Variants in DOCK3 observed in about 807,000 individuals in gnomAD.
DOCK3 encodes dedicator of cytokinesis 3, also known as dedicator of cytokinesis protein 3.
In DOCK3, 60 loss-of-function variants were observed where a neutral mutation model predicts 265.6. That is an observed-to-expected ratio of 0.23 (90% confidence interval 0.18 to 0.28). DOCK3 has a LOEUF of 0.28. DOCK3 is among the 10% of genes least tolerant of loss of function. The pLI, the probability that DOCK3 is intolerant of heterozygous loss-of-function variation, is 1.00. For missense variants in DOCK3, 1,981 were observed against 2,594.3 expected (o/e 0.76, Z 5.14); for synonymous variants, 881 against 938.0 (o/e 0.94, Z 1.11).
At chr3:50,798,934 G>T (rs1215599195) in intron 2 of DOCK3, among the ~76,000 whole-genome samples, 1 of 152,082 alleles carries the variant, frequency 6.6e-6, no homozygotes, top group Non-Finnish European at 1.5e-5. Context: ...TCATTGTTCT[G>T]CATATGGATA....
chr3:51,274,967 T>C lies in DOCK3; in HGVS notation c.2549-112T>C, dbSNP rs559116254. 6 of 1,344,918 alleles carry C rather than the reference T, an allele frequency of 4.5e-6. No homozygotes were observed. In the East Asian group the frequency reaches 9.2e-5, roughly 21 times the overall value. 83.3% of individuals were successfully genotyped at this position (1,344,918 alleles called of 1,614,324 possible). ...AAGGAGATTACCTTCACTTTTGCTC[T>C]AGTCTGAACCCCACCTGCTTTGAGA... On this transcript the variant is annotated intron_variant, in intron 24 of 52. Coordinates refer to ENST00000266037, the MANE Select transcript of DOCK3 (RefSeq NM_004947.5).
At chr3:51,236,452 A>G in intron 20 of DOCK3, 24 bp downstream of exon 20, 1 of 1,578,990 alleles carries the variant, frequency 6.3e-7, no homozygotes, top group Non-Finnish European at 8.6e-7. Flanking sequence ...CTGACTCTTT[A>G]CTTTTATTAA....
chr3:50,679,175 T>C lies in DOCK3; in HGVS notation c.37+3875T>C, dbSNP rs1043067032. On this transcript the variant is annotated intron_variant, in intron 1 of 52. Coordinates refer to ENST00000266037, the MANE Select transcript of DOCK3 (RefSeq NM_004947.5). The stretch of plus-strand genomic sequence containing the variant: ...TTTTTTTAGTGACATGGTCTTGCTA[T>C]GTTGCCCAGGCTTGTCTCAAACTGC... 2.0e-5 allele frequency among the ~76,000 whole-genome samples: 3 copies of C among 152,308 alleles called. No homozygotes were observed. The South Asian group carries it at 6.2e-4, about 32-fold the overall frequency.
intron 52 of DOCK3, among the ~76,000 whole-genome samples, chr3:51,380,780 C>T (rs782463387): frequency 6.6e-6 from 1 of 152,118 alleles, no homozygotes; most frequent in Non-Finnish European, 1.5e-5. Flanking sequence ...CCAGAGCCAC[C>T]GACGGCAGCC....
At chr3:50,733,070 C>T (rs1328598329) in intron 1 of DOCK3, among the ~76,000 whole-genome samples, 1 of 152,182 alleles carries the variant, frequency 6.6e-6, no homozygotes, top group Admixed American at 6.5e-5. Flanking sequence ...GCTTAAGCCA[C>T]CATGCCTAGC....
intron 1 of DOCK3, among the ~76,000 whole-genome samples, chr3:50,711,935 G>A (rs1266486584): frequency 6.6e-6 from 1 of 151,870 alleles, no homozygotes; most frequent in Non-Finnish European, 1.5e-5. Flanking sequence ...TCCATTTCAC[G>A]TAAATTATCT....
rs2048840640 is a variant in DOCK3, at chr3:50,895,272, G to A, written c.218+5191G>A. On this transcript the variant is annotated intron_variant, in intron 4 of 52. Coordinates refer to ENST00000266037, the MANE Select transcript of DOCK3 (RefSeq NM_004947.5). Reference sequence around the variant, plus strand: ...CCTTCAACTTTAATTTTAACTTCCAGGGTACATGTCCATCACGTGCAGTTT... The same window carrying A: ...CCTTCAACTTTAATTTTAACTTCCAAGGTACATGTCCATCACGTGCAGTTT... Among the ~76,000 whole-genome samples, 2 of 148,332 alleles carry A rather than the reference G, an allele frequency of 1.3e-5. 1 individual carries two copies. Among genetic ancestry groups the A allele is most frequent in the South Asian group, 4.2e-4 (2 of 4,744 alleles).
intron 5 of DOCK3, among the ~76,000 whole-genome samples, chr3:50,980,585 T>A (rs1378789010): frequency 6.6e-6 from 1 of 152,178 alleles, no homozygotes. Context: ...AGCCATGCAT[T>A]CCTGTGCTTT....
chr3:51,354,575 G>A (rs1553868386), intron 40 of DOCK3, among the ~76,000 whole-genome samples: 1 of 152,130 alleles, frequency 6.6e-6, no homozygotes, highest in Non-Finnish European at 1.5e-5. Context: ...CTTTCAGGAC[G>A]TTTTTTTAAC....
chr3:50,793,533 T>G (rs1277887095), intron 2 of DOCK3, among the ~76,000 whole-genome samples: 1 of 151,870 alleles, frequency 6.6e-6, no homozygotes, highest in Non-Finnish European at 1.5e-5. Flanking sequence ...ATTTTTGTAT[T>G]TTTTAGTAGA....
chr3:51,371,286 G>A lies in DOCK3; in HGVS notation c.5294-3183G>A, dbSNP rs531372119. On this transcript the variant is annotated intron_variant, in intron 49 of 52. Transcript: ENST00000266037. Reference sequence around the variant, plus strand: ...GCTGAGAGAAGCCCCTTCCCTTTTGGGGGTAAACATTAAGTGCAAAAATAA... The same window carrying A: ...GCTGAGAGAAGCCCCTTCCCTTTTGAGGGTAAACATTAAGTGCAAAAATAA... Among the ~76,000 whole-genome samples the A allele has an allele frequency of 3.9e-5, 6 of 152,280 alleles. No homozygotes were observed. In the East Asian group the frequency reaches 9.6e-4, roughly 24 times the overall value.
chr3:51,155,262 T>C (rs756040274), intron 10 of DOCK3, among the ~76,000 whole-genome samples: 1 of 152,134 alleles, frequency 6.6e-6, no homozygotes, highest in African/African-American at 2.4e-5. Context: ...TATGAGTCAC[T>C]GTACCCAGCC....
intron 1 of DOCK3, among the ~76,000 whole-genome samples, chr3:50,729,086 C>T (rs1485937297): frequency 1.4e-5 from 2 of 143,986 alleles, no homozygotes; most frequent in Non-Finnish European, 3.0e-5. Context: ...TTTGGGAGGC[C>T]GAGGCAGGTG....
Position 51,135,729 on chromosome 3 carries a change from A to AT in DOCK3, c.747-10813dup, listed in dbSNP as rs1389422768. ...TTTTTTTTATTTTATTTTTATTTTT[A>AT]TTTTTTTGGAGACAGGGTCTCACTC... On this transcript the variant is annotated intron_variant, in intron 9 of 52. Coordinates refer to ENST00000266037, the MANE Select transcript of DOCK3 (RefSeq NM_004947.5). 3.3e-5 allele frequency among the ~76,000 whole-genome samples: 5 copies of AT among 151,486 alleles called. No homozygotes were observed. The East Asian group carries it at 5.8e-4, about 18-fold the overall frequency.
At chr3:51,160,532 T>G in intron 11 of DOCK3, 23 bp from the exon 12 acceptor site, 2 of 1,591,184 alleles carry the variant, frequency 1.3e-6, no homozygotes, top group African/African-American at 1.4e-5. Flanking sequence ...TCAGTCTGAC[T>G]GGTGTTTTCT....
chr3:50,906,316 T>A (rs1368569064), intron 4 of DOCK3, among the ~76,000 whole-genome samples: 2 of 152,080 alleles, frequency 1.3e-5, no homozygotes, highest in Non-Finnish European at 2.9e-5. Flanking sequence ...TTCTATTGAT[T>A]GGAATAGTTT....
chr3:51,035,969 A>G (rs1458963039), intron 5 of DOCK3, among the ~76,000 whole-genome samples: 2 of 152,104 alleles, frequency 1.3e-5, no homozygotes, highest in Non-Finnish European at 2.9e-5. Flanking sequence ...GTTGCCTATA[A>G]TCTTCTCCTG....
chr3:50,764,840 T>A (rs972087738), intron 1 of DOCK3, among the ~76,000 whole-genome samples: 1 of 152,138 alleles, frequency 6.6e-6, no homozygotes, highest in Non-Finnish European at 1.5e-5. Flanking sequence ...ATGTTGTTTT[T>A]CAAGTCTTCA....
intron 10 of DOCK3, among the ~76,000 whole-genome samples, chr3:51,149,017 G>A (rs1008267244): frequency 1.6e-4 from 24 of 151,752 alleles, no homozygotes; most frequent in Admixed American, 3.3e-4. Context: ...CTTTTATTTC[G>A]TTGAGCAGTG....
Sources: gnomAD v4.1 joint callset for allele counts (sites outside exome capture counted in the v4.1 genomes callset) on GRCh38, gnomAD v4.1.1 for gene constraint, MANE v1.5 for transcripts, NCBI Gene and HGNC (gene_info 2026-07-23, HGNC 2026-07-21) for gene names.